The following HIGD1C variants were observed in gnomAD, a reference collection of about 807,000 sequenced individuals.
HIGD1C encodes the protein HIG1 domain family member 1C.
HIGD1C carries 11 observed loss-of-function variants against 13.1 expected under a neutral mutation model. The ratio of observed to expected loss-of-function variants is 0.84; its 90% CI spans 0.53 to 1.39. The LOEUF is 1.39. Ranked by LOEUF, HIGD1C falls within the 40% of genes most tolerant of loss-of-function variation. The probability of loss-of-function intolerance (pLI) is 0.00; values close to 1 mark genes in which losing one functional copy is unlikely to be tolerated. For missense variants in HIGD1C, 110 were observed against 112.0 expected (o/e 0.98, Z 0.08); for synonymous variants, 36 against 37.7 (o/e 0.95, Z 0.17).
rs200950776 is a variant in HIGD1C at position 50,968,086 on chromosome 12, A to AAAT, written c.230-2350_230-2348dup. Reference sequence around the variant, plus strand: ...TGGCCACAGAGCGAGGCATTGTCTCAAATAATAAGAAGAAGAAGGAGGAGG... The same window carrying AAAT: ...TGGCCACAGAGCGAGGCATTGTCTCAAATAATAATAAGAAGAAGAAGGAGGAGG... On this transcript the variant is annotated intron_variant, in intron 2 of 2. Transcript: ENST00000398455. Among the ~76,000 whole-genome samples the AAAT allele has an allele frequency of 2.5e-4, 37 of 148,590 alleles. 1 individual carries two copies. Among genetic ancestry groups the AAAT allele is most frequent in the East Asian group, 1.8e-3 (9 of 5,094 alleles).
At chr12:50,950,262 C>T (rs955558916), upstream of HIGD1C, among the ~76,000 whole-genome samples, 40 of 152,036 alleles carry the variant, frequency 2.6e-4, no homozygotes, top group African/African-American at 8.9e-4. Flanking sequence ...ACAGTCTCTG[C>T]TGATACAGAT....
the HIGD1C span, among the ~76,000 whole-genome samples, chr12:50,942,135 G>A: frequency 1.7e-4 from 26 of 152,264 alleles, no homozygotes; most frequent in East Asian, 4.8e-3. Context: ...GCCCACCTCA[G>A]CCTCCCAAAG....
the HIGD1C span, among the ~76,000 whole-genome samples, chr12:50,933,886 A>G: frequency 6.6e-6 from 1 of 152,224 alleles, no homozygotes; most frequent in Non-Finnish European, 1.5e-5. Context: ...GTATCACCCC[A>G]TGGCAGGATC....
chr12:50,934,549 G>A, the HIGD1C span, among the ~76,000 whole-genome samples: 1 of 152,204 alleles, frequency 6.6e-6, no homozygotes, highest in African/African-American at 2.4e-5. Context: ...TGCCTGCGTG[G>A]AGCATACAAT....
downstream of HIGD1C, chr12:50,970,514 A>T: frequency 6.7e-7 from 1 of 1,502,584 alleles, no homozygotes. Flanking sequence ...TGAAGCTTAC[A>T]TGCTGGAAGC....
the HIGD1C span, chr12:50,939,836 G>A: frequency 1.3e-5 from 2 of 151,970 alleles, no homozygotes; most frequent in Non-Finnish European, 2.9e-5. Flanking sequence ...TTTGTAAGAG[G>A]AACAGAATGT....
the HIGD1C span, among the ~76,000 whole-genome samples, chr12:50,941,586 C>T: frequency 6.6e-6 from 1 of 152,118 alleles, no homozygotes; most frequent in East Asian, 1.9e-4. Context: ...AGGTATAGGT[C>T]CTCTCTCTAG....
chr12:50,965,195 C>T (rs1296584027), intron 2 of HIGD1C, among the ~76,000 whole-genome samples: 1 of 152,030 alleles, frequency 6.6e-6, no homozygotes, highest in African/African-American at 2.4e-5. Flanking sequence ...CTCGCTACAG[C>T]CCCAAACTCC....
At chr12:50,946,396 C>A in the HIGD1C span, among the ~76,000 whole-genome samples, 1 of 152,146 alleles carries the variant, frequency 6.6e-6, no homozygotes, top group African/African-American at 2.4e-5. Context: ...AAAAATCAAA[C>A]AACCCCATCA....
At chr12:50,936,908 A>C in the HIGD1C span, among the ~76,000 whole-genome samples, 1 of 152,232 alleles carries the variant, frequency 6.6e-6, no homozygotes, top group Non-Finnish European at 1.5e-5. Context: ...TGTATTATTT[A>C]AGGATCAGAT....
intron 2 of HIGD1C, among the ~76,000 whole-genome samples, chr12:50,967,799 A>C (rs1939596071): frequency 6.6e-6 from 1 of 152,146 alleles, no homozygotes; most frequent in African/African-American, 2.4e-5. Flanking sequence ...AGACAAGCAA[A>C]ACTACCAGTA....
intron 2 of HIGD1C, among the ~76,000 whole-genome samples, chr12:50,968,566 T>C (rs1939636575): frequency 6.6e-6 from 1 of 152,062 alleles, no homozygotes; most frequent in African/African-American, 2.4e-5. Flanking sequence ...TTTGTTTGTT[T>C]TGAGATGGAG....
chr12:50,952,746 C>T (rs1349454911), upstream of HIGD1C, among the ~76,000 whole-genome samples: 1 of 152,206 alleles, frequency 6.6e-6, no homozygotes, highest in Admixed American at 6.5e-5. Context: ...TCGCCTCAGC[C>T]GGAGATTCCA....
At chr12:50,942,773 TG>T in the HIGD1C span, among the ~76,000 whole-genome samples, 1 of 151,378 alleles carries the variant, frequency 6.6e-6, no homozygotes, top group Non-Finnish European at 1.5e-5. Flanking sequence ...CTGAGGTGGG[TG>T]GATCAATTGA....
the HIGD1C span, among the ~76,000 whole-genome samples, chr12:50,941,358 C>T: frequency 6.6e-6 from 1 of 152,148 alleles, no homozygotes; most frequent in Non-Finnish European, 1.5e-5. Context: ...ACCTGTCAGC[C>T]CACGTTTTTG....
At chr12:50,959,578 A>G (rs1939244434) in intron 1 of HIGD1C, among the ~76,000 whole-genome samples, 1 of 152,126 alleles carries the variant, frequency 6.6e-6, no homozygotes, top group South Asian at 2.1e-4. Flanking sequence ...TCTCTATACC[A>G]ATAAGTTATA....
the HIGD1C span, among the ~76,000 whole-genome samples, chr12:50,947,584 A>C: frequency 1.3e-5 from 2 of 152,104 alleles, no homozygotes; most frequent in East Asian, 3.9e-4. Context: ...ACTCAAGGTC[A>C]GTTGATTATT....
At chr12:50,944,275 T>C in the HIGD1C span, among the ~76,000 whole-genome samples, 14 of 152,230 alleles carry the variant, frequency 9.2e-5, no homozygotes, top group Admixed American at 7.9e-4. Flanking sequence ...GTATCTTCAC[T>C]GTTCCCCTCT....
chr12:50,938,203 C>T, the HIGD1C span, among the ~76,000 whole-genome samples: 1 of 151,954 alleles, frequency 6.6e-6, no homozygotes, highest in Admixed American at 6.5e-5. Context: ...CCTCCACCCC[C>T]CCACCCCCCT....
Sources: allele counts gnomAD v4.1 joint callset (sites outside exome capture counted in the v4.1 genomes callset), GRCh38; gene constraint gnomAD v4.1.1; transcripts MANE v1.5; gene names NCBI Gene and HGNC (gene_info 2026-07-23, HGNC 2026-07-21).